The following NCAM2 variants were observed in gnomAD, a reference collection of about 807,000 sequenced individuals.
NCAM2 encodes the protein neural cell adhesion molecule 2.
In NCAM2, 30 loss-of-function variants were observed where a neutral mutation model predicts 98.1. The observed-to-expected ratio is 0.31, with a 90% CI of 0.23 to 0.41. NCAM2 has a LOEUF of 0.41. Among genes scored for constraint, NCAM2 ranks in the 10% least tolerant of loss-of-function variants. The pLI is 1.00. For missense variants in NCAM2, 867 were observed against 1,005.8 expected, an observed-to-expected ratio of 0.86 and a Z score of 1.87; for synonymous variants, 368 against 342.4, an observed-to-expected ratio of 1.07 and a Z score of -0.83.
chr21:21,158,887 A>T (rs1420914463), intron 1 of NCAM2, among the ~76,000 whole-genome samples: 1 of 152,164 alleles, frequency 6.6e-6, no homozygotes, highest in Non-Finnish European at 1.5e-5. Context: ...TTCTATTTAT[A>T]AAAGAGAAAA....
chr21:21,186,374 CAAAAT>C (rs2068641730), intron 1 of NCAM2, among the ~76,000 whole-genome samples: 1 of 151,728 alleles, frequency 6.6e-6, no homozygotes, highest in South Asian at 2.1e-4. Context: ...TTCAAGTCAA[CAAAAT>C]AAAAGAAAAT....
chr21:21,056,490 CTGTGTGTG>C lies in NCAM2; in HGVS notation c.55+57899_55+57906del, dbSNP rs10685980. Among the ~76,000 whole-genome samples, 639 of 138,428 alleles carry C rather than the reference CTGTGTGTG, an allele frequency of 4.6e-3. 2 individuals carry two copies. Among genetic ancestry groups the C allele is most frequent in the African/African-American group, 0.016 (581 of 36,610 alleles). 90.8% of individuals were successfully genotyped at this position (138,428 alleles called of 152,430 possible). A position where few individuals can be genotyped will look rare whatever the true frequency, so the allele number is the denominator to read the frequency against. Reference sequence around the variant, plus strand: ...TTTAGAGCAAGTGACAGAGATATGTCTGTGTGTGTGTGTGTGTGTGTGTGTGTGTGTGT... The same window carrying C: ...TTTAGAGCAAGTGACAGAGATATGTCTGTGTGTGTGTGTGTGTGTGTGTGT... On this transcript the variant is annotated intron_variant, in intron 1 of 17. Transcript: ENST00000400546.
At chr21:21,111,265 G>A (rs866707208) in intron 1 of NCAM2, among the ~76,000 whole-genome samples, 6 of 152,040 alleles carry the variant, frequency 3.9e-5, no homozygotes, top group African/African-American at 7.3e-5. Flanking sequence ...CTATTCATAC[G>A]TTACTTCTCT....
intron 1 of NCAM2, among the ~76,000 whole-genome samples, chr21:21,047,482 A>C (rs2065025669): frequency 6.6e-6 from 1 of 152,210 alleles, no homozygotes; most frequent in South Asian, 2.1e-4. Flanking sequence ...TGATGAAACA[A>C]ACAAAAAAGA....
intron 1 of NCAM2, among the ~76,000 whole-genome samples, chr21:21,256,215 G>A (rs1054562001): frequency 2.0e-5 from 3 of 152,150 alleles, no homozygotes; most frequent in South Asian, 4.2e-4. Flanking sequence ...AATTAGCTGG[G>A]CGTGGTGGTG....
chr21:21,429,225 A>G (rs2146011088), intron 11 of NCAM2, among the ~76,000 whole-genome samples: 1 of 152,316 alleles, frequency 6.6e-6, no homozygotes, highest in East Asian at 1.9e-4. Flanking sequence ...TGTTTTGATG[A>G]TGGTGGCTTT....
At chr21:21,111,199 A>G (rs978038998) in intron 1 of NCAM2, among the ~76,000 whole-genome samples, 6 of 152,218 alleles carry the variant, frequency 3.9e-5, no homozygotes, top group East Asian at 1.9e-4. Flanking sequence ...CTCCAATTCA[A>G]TAATAAATCA....
At chr21:21,280,365 A>T (rs2072884504) in intron 1 of NCAM2, among the ~76,000 whole-genome samples, 1 of 152,202 alleles carries the variant, frequency 6.6e-6, no homozygotes, top group Non-Finnish European at 1.5e-5. Context: ...CAGCTTGAAG[A>T]AGTGCTGTAT....
chr21:21,052,891 GTAAA>G (rs1275045479), intron 1 of NCAM2, among the ~76,000 whole-genome samples: 2 of 152,070 alleles, frequency 1.3e-5, no homozygotes, highest in African/African-American at 4.8e-5. Flanking sequence ...AAAATTTAGA[GTAAA>G]TAAAGTATTC....
intron 9 of NCAM2, among the ~76,000 whole-genome samples, chr21:21,403,367 C>A (rs1037844362): frequency 5.3e-4 from 81 of 152,100 alleles, no homozygotes; most frequent in African/African-American, 1.9e-3. Flanking sequence ...GAGATGAATA[C>A]CTTGCATTTA....
chr21:21,237,088 T>C (rs184639897), intron 1 of NCAM2, among the ~76,000 whole-genome samples: 1 of 152,206 alleles, frequency 6.6e-6, no homozygotes, highest in East Asian at 1.9e-4. Flanking sequence ...TAATTACTGA[T>C]TGATATTTAA....
intron 1 of NCAM2, among the ~76,000 whole-genome samples, chr21:21,011,852 G>A (rs2064217980): frequency 6.6e-6 from 1 of 152,056 alleles, no homozygotes; most frequent in Non-Finnish European, 1.5e-5. Flanking sequence ...TCTAGAAGCT[G>A]ACATATATAT....
At chr21:21,059,541 T>A (rs1367078429) in intron 1 of NCAM2, among the ~76,000 whole-genome samples, 1 of 152,172 alleles carries the variant, frequency 6.6e-6, no homozygotes. Context: ...AAGAACCTTT[T>A]TATATTTGGA....
chr21:21,269,647 TAAC>T (rs532874386), intron 1 of NCAM2, among the ~76,000 whole-genome samples: 1 of 152,178 alleles, frequency 6.6e-6, no homozygotes, highest in Non-Finnish European at 1.5e-5. Flanking sequence ...GATTGGCACT[TAAC>T]AAAAGAAATT....
intron 1 of NCAM2, among the ~76,000 whole-genome samples, chr21:21,012,848 A>G (rs1440273501): frequency 6.6e-6 from 1 of 152,142 alleles, no homozygotes; most frequent in Non-Finnish European, 1.5e-5. Context: ...TATTATTATT[A>G]TGTCTTTATG....
chr21:21,158,106 G>A (rs1229469057), intron 1 of NCAM2, among the ~76,000 whole-genome samples: 3 of 152,080 alleles, frequency 2.0e-5, no homozygotes, highest in African/African-American at 2.4e-5. Flanking sequence ...GAAGGCATAC[G>A]TATAGAATAC....
At chr21:21,426,563 T>A (rs1288762287) in intron 11 of NCAM2, among the ~76,000 whole-genome samples, 1 of 152,174 alleles carries the variant, frequency 6.6e-6, no homozygotes, top group East Asian at 1.9e-4. Flanking sequence ...GGTCCACATG[T>A]GAAGTCTGCA....
chr21:21,144,818 T>A (rs772694288), intron 1 of NCAM2, among the ~76,000 whole-genome samples: 9 of 152,142 alleles, frequency 5.9e-5, no homozygotes, highest in Admixed American at 3.9e-4. Context: ...GCTAGATGCA[T>A]CTTGTTTAAT....
intron 12 of NCAM2, among the ~76,000 whole-genome samples, chr21:21,451,850 A>G (rs563678028): frequency 1.3e-5 from 2 of 152,262 alleles, no homozygotes; most frequent in East Asian, 1.9e-4. Context: ...ACACAGAAAC[A>G]CATAGCAAAA....
Sources: gnomAD v4.1 joint callset for allele counts (sites outside exome capture counted in the v4.1 genomes callset) on GRCh38, gnomAD v4.1.1 for gene constraint, MANE v1.5 for transcripts, NCBI Gene and HGNC (gene_info 2026-07-23, HGNC 2026-07-21) for gene names.